KIZ: variants seen among roughly 807,000 people sequenced by gnomAD.
KIZ encodes centrosomal protein kizuna.
In KIZ, 68 loss-of-function variants were observed where a neutral mutation model predicts 79.6. The observed-to-expected ratio is 0.85, with a 90% CI of 0.70 to 1.05. The LOEUF (loss-of-function observed/expected upper bound fraction) is 1.05, where lower values mean the gene tolerates loss of function less well. Ranked by LOEUF, KIZ falls within the 50% of genes least tolerant of loss-of-function variation. The probability of loss-of-function intolerance (pLI) is 0.00; values close to 1 mark genes in which losing one functional copy is unlikely to be tolerated. For missense variants in KIZ, 797 were observed against 800.4 expected (o/e 1.00, Z 0.05); for synonymous variants, 280 against 281.8 (o/e 0.99, Z 0.06).
chr20:21,214,723 T>C, intron 8 of KIZ, 23 bp downstream of exon 8: 1 of 1,574,536 alleles, frequency 6.4e-7, no homozygotes, highest in Non-Finnish European at 8.7e-7. Flanking sequence ...AAAGTGTGTG[T>C]CCACAGCAAA....
chr20:21,195,998 C>G (rs560515532), intron 6 of KIZ: 1 of 152,692 alleles, frequency 6.5e-6, no homozygotes, highest in Admixed American at 6.5e-5. Context: ...ACCTACAGCA[C>G]AAAGTCAGTC....
chr20:21,200,518 A>T (rs1039461620), intron 6 of KIZ, among the ~76,000 whole-genome samples: 1 of 151,346 alleles, frequency 6.6e-6, no homozygotes, highest in Non-Finnish European at 1.5e-5. Flanking sequence ...CCCGTTTGGG[A>T]GTGATGGGAG....
At chr20:21,235,944 C>G (rs1164375000) in intron 11 of KIZ, among the ~76,000 whole-genome samples, 1 of 152,228 alleles carries the variant, frequency 6.6e-6, no homozygotes, top group African/African-American at 2.4e-5. Context: ...TTATAAGGAA[C>G]CAATAGTCCA....
At chr20:21,133,385 A>G (rs2031971821) in intron 2 of KIZ, among the ~76,000 whole-genome samples, 1 of 152,206 alleles carries the variant, frequency 6.6e-6, no homozygotes, top group Non-Finnish European at 1.5e-5. Flanking sequence ...GAGTGGGCCC[A>G]AGTCTGAGGG....
chr20:21,229,462 G>A (rs1397675954), intron 10 of KIZ, among the ~76,000 whole-genome samples: 1 of 152,264 alleles, frequency 6.6e-6, no homozygotes, highest in Non-Finnish European at 1.5e-5. Context: ...AGTGGGCAGT[G>A]TTGTACTGGG....
chr20:21,174,535 A>C (rs931895881), intron 6 of KIZ, among the ~76,000 whole-genome samples: 6 of 152,202 alleles, frequency 3.9e-5, no homozygotes. Flanking sequence ...AGAAAAGAAA[A>C]CTAAGCAGTG....
At chr20:21,205,990 G>A (rs960015687) in intron 7 of KIZ, among the ~76,000 whole-genome samples, 3 of 151,758 alleles carry the variant, frequency 2.0e-5, no homozygotes, top group African/African-American at 7.3e-5. Context: ...TTATTCATTT[G>A]AGGAAATGTT....
At position 21,126,180 on chromosome 20, in the gene KIZ, A is replaced by G. The variant is rs913715921; in HGVS notation, c.65A>G (p.Gln22Arg). 1 of 1,497,472 alleles carries G rather than the reference A, an allele frequency of 6.7e-7. No individual in the cohort carries two copies. Among genetic ancestry groups the G allele is most frequent in the Non-Finnish European group, 8.9e-7 (1 of 1,120,472 alleles). The allele number at this position is 1,497,472 out of a possible 1,614,324, so 92.8% of individuals were successfully genotyped here. Residue 22 changes from glutamine to arginine, a missense_variant, in exon 1 of 13, where the codon CAA (glutamine) becomes CGA (arginine). By Grantham distance (43) the Gln-to-Arg change is conservative (BLOSUM62 1). Transcript: ENST00000619189. ...CCCGACTACTACGAGAGGCTGGGCC[A>G]ACTCCAGCACGGGCTGCGGGACAGG... ...SSPDYYERLG[Q>R]LQHGLRDSEK...
At chr20:21,164,725 T>A (rs79507554) in intron 6 of KIZ, among the ~76,000 whole-genome samples, 3 of 146,094 alleles carry the variant, frequency 2.1e-5, no homozygotes, top group Non-Finnish European at 4.6e-5. Context: ...TTTTTTTTTT[T>A]AATGATCTTG....
chr20:21,181,626 T>G (rs918647819), intron 6 of KIZ, among the ~76,000 whole-genome samples: 1 of 152,096 alleles, frequency 6.6e-6, no homozygotes, highest in South Asian at 2.1e-4. Context: ...GCCTGGCTAA[T>G]TTTTGTATTT....
At position 21,214,571 on chromosome 20, in the gene KIZ, T is replaced by G. The variant is rs879081967; in HGVS notation, c.1483T>G (p.Cys495Gly). The G allele has an allele frequency of 1.2e-6, 2 of 1,613,544 alleles. No individual in the cohort carries two copies. Among genetic ancestry groups the G allele is most frequent in the Admixed American group, 3.3e-5 (2 of 60,004 alleles). ...ATTGAGAAAAGCCCTTACAGAAGAG[T>G]GTGGCCGTAGGTCAGCTATTCACAG... ...ALLRKALTEE[C>G]GRRSAIHSSE... is the part of the protein sequence containing the mutation. The change falls in exon 8 of 13, where the codon TGT (cysteine) becomes GGT (glycine). Residue 495 changes from cysteine to glycine, a missense_variant. Coordinates refer to ENST00000619189, the MANE Select transcript of KIZ (RefSeq NM_018474.6).
chr20:21,239,345 TG>T (rs1421891578), intron 11 of KIZ, among the ~76,000 whole-genome samples: 3 of 152,180 alleles, frequency 2.0e-5, no homozygotes, highest in African/African-American at 7.2e-5. Flanking sequence ...GGAGGCCCTG[TG>T]GGGCGGGTGT....
chr20:21,186,053 G>A (rs544326735), intron 6 of KIZ, among the ~76,000 whole-genome samples: 11 of 152,084 alleles, frequency 7.2e-5, no homozygotes, highest in Non-Finnish European at 1.5e-4. Flanking sequence ...TGCTGATCTC[G>A]ACAGATTCTT....
intron 6 of KIZ, among the ~76,000 whole-genome samples, chr20:21,173,030 G>A (rs187043167): frequency 6.6e-6 from 1 of 152,316 alleles, no homozygotes; most frequent in East Asian, 1.9e-4. Context: ...AGAAGCTGGA[G>A]TGAGAGAGTA....
intron 6 of KIZ, among the ~76,000 whole-genome samples, chr20:21,167,541 G>C (rs1178829530): frequency 6.7e-6 from 1 of 149,460 alleles, no homozygotes; most frequent in African/African-American, 2.4e-5. Flanking sequence ...CATGCTAGTG[G>C]GTTTTTTGTT....
Position 21,136,535 on chromosome 20 carries a change from A to G in KIZ, c.298A>G (p.Lys100Glu). The G allele has an allele frequency of 6.4e-7, 1 of 1,560,730 alleles. No individual in the cohort carries two copies. Among genetic ancestry groups the G allele is most frequent in the South Asian group, 1.2e-5 (1 of 81,866 alleles). ...HVVHFTTNTE[K>E]LQKLKLEYET... is the part of the protein sequence containing the mutation. ...TGTACACTTCACCACAAATACAGAG[A>G]AGCTTCAAAAACTGAAGGTGACTTC... The change falls in exon 3 of 13, where the codon AAG (lysine) becomes GAG (glutamate). Residue 100 changes from lysine (K) to glutamate (E), a missense_variant. Transcript: ENST00000619189.
intron 1 of KIZ, among the ~76,000 whole-genome samples, chr20:21,130,613 G>A (rs1027164501): frequency 6.6e-6 from 1 of 151,920 alleles, no homozygotes; most frequent in Non-Finnish European, 1.5e-5. Context: ...GTGTGTTTTT[G>A]TAATTTTTTT....
intron 4 of KIZ, among the ~76,000 whole-genome samples, chr20:21,153,227 A>G (rs901669542): frequency 2.0e-5 from 3 of 152,196 alleles, no homozygotes; most frequent in Non-Finnish European, 4.4e-5. Context: ...CGTCACCACC[A>G]TCATTACCAT....
At chr20:21,236,318 T>C (rs374229958) in intron 11 of KIZ, among the ~76,000 whole-genome samples, 2 of 152,242 alleles carry the variant, frequency 1.3e-5, no homozygotes, top group East Asian at 3.8e-4. Flanking sequence ...TTGGGATTTT[T>C]TTCTTTCTGG....
Sources: allele counts gnomAD v4.1 joint callset (sites outside exome capture counted in the v4.1 genomes callset), GRCh38; gene constraint gnomAD v4.1.1; transcripts MANE v1.5; gene names NCBI Gene and HGNC (gene_info 2026-07-23, HGNC 2026-07-21).